Variants in CREB1 observed in about 807,000 individuals in gnomAD.
The protein encoded by CREB1 is cyclic AMP-responsive element-binding protein 1.
Under a neutral mutation model 42.0 loss-of-function variants are expected in CREB1, and 2 were observed. The observed-to-expected ratio is 0.05, with a 90% CI of 0.02 to 0.15. The LOEUF (loss-of-function observed/expected upper bound fraction) is 0.15, where lower values mean the gene tolerates loss of function less well. Ranked by LOEUF, CREB1 falls within the 10% of genes least tolerant of loss-of-function variation. The pLI is 1.00. For missense variants in CREB1, 199 were observed against 388.9 expected (o/e 0.51, Z 4.11); for synonymous variants, 123 against 139.9 (o/e 0.88, Z 0.85).
chr2:207,539,180 A>G (rs1403381192), intron 1 of CREB1, among the ~76,000 whole-genome samples: 1 of 149,146 alleles, frequency 6.7e-6, no homozygotes, highest in Non-Finnish European at 1.5e-5. Flanking sequence ...AGCTGGGATT[A>G]CAAGCATGTG....
chr2:207,531,122 A>G (rs138786331), intron 1 of CREB1, among the ~76,000 whole-genome samples: 93 of 152,286 alleles, frequency 6.1e-4, no homozygotes, highest in African/African-American at 2.2e-3. Flanking sequence ...ACCCTTTTTA[A>G]TAAGGTAATC....
At chr2:207,560,192 G>C in intron 2 of CREB1, 34 bp from the exon 3 acceptor site, 3 of 1,522,046 alleles carry the variant, frequency 2.0e-6, no homozygotes, top group Admixed American at 1.9e-5. Context: ...AGAGTGTCTG[G>C]GATGATAATT....
chr2:207,601,612 T>C lies in CREB1; in HGVS notation c.*4554T>C, dbSNP rs1015441223. 18 of 208,436 alleles carry C rather than the reference T, an allele frequency of 8.6e-5. No individual in the cohort carries two copies. Among genetic ancestry groups the C allele is most frequent in the Non-Finnish European group, 1.7e-4 (17 of 102,616 alleles). 12.9% of individuals were successfully genotyped at this position (208,436 alleles called of 1,614,324 possible). A position where few individuals can be genotyped will look rare whatever the true frequency, so the allele number is the denominator to read the frequency against. ...CACAACATTAATACTGTACATAGTA[T>C]GCCAAAATATCCATTAATTTGTCTA... On this transcript the variant is annotated 3_prime_UTR_variant, in exon 8 of 8. Transcript: ENST00000353267.
At chr2:207,549,621 T>TC (rs2081422725) in intron 1 of CREB1, among the ~76,000 whole-genome samples, 1 of 152,112 alleles carries the variant, frequency 6.6e-6, no homozygotes, top group South Asian at 2.1e-4. Context: ...ACGCCTGTAG[T>TC]CCCAACACTT....
chr2:207,531,057 A>T (rs1390176129), intron 1 of CREB1, among the ~76,000 whole-genome samples: 1 of 151,976 alleles, frequency 6.6e-6, no homozygotes, highest in Admixed American at 6.5e-5. Flanking sequence ...TAACTTTTTA[A>T]ACTGTTGGGA....
At chr2:207,537,288 T>G (rs953591603) in intron 1 of CREB1, among the ~76,000 whole-genome samples, 2 of 152,068 alleles carry the variant, frequency 1.3e-5, no homozygotes, top group Non-Finnish European at 2.9e-5. Flanking sequence ...TCCACCCACC[T>G]CTGCCTCCCA....
At chr2:207,572,197 G>C (rs1471223353) in intron 5 of CREB1, among the ~76,000 whole-genome samples, 1 of 144,718 alleles carries the variant, frequency 6.9e-6, no homozygotes, top group Non-Finnish European at 1.5e-5. Flanking sequence ...CTGCACTCCA[G>C]CCTGGGTGGC....
chr2:207,567,795 CTG>C (rs1232606390), intron 4 of CREB1: 1 of 295,908 alleles, frequency 3.4e-6, no homozygotes, highest in African/African-American at 2.2e-5. Flanking sequence ...TTTCTGTAGA[CTG>C]TGCTGGCTGT....
At chr2:207,550,872 A>G (rs1287742399) in intron 1 of CREB1, among the ~76,000 whole-genome samples, 1 of 152,186 alleles carries the variant, frequency 6.6e-6, no homozygotes, top group Non-Finnish European at 1.5e-5. Context: ...TTATTTTTCT[A>G]CACGCTTCCC....
intron 1 of CREB1, among the ~76,000 whole-genome samples, chr2:207,551,026 C>G (rs1283721846): frequency 6.6e-6 from 1 of 152,130 alleles, no homozygotes; most frequent in Non-Finnish European, 1.5e-5. Context: ...TGCAAAGTCT[C>G]TTATCAGCCA....
intron 7 of CREB1, among the ~76,000 whole-genome samples, chr2:207,583,356 T>A (rs1364167285): frequency 6.6e-6 from 1 of 152,226 alleles, no homozygotes; most frequent in East Asian, 1.9e-4. Flanking sequence ...GACTTCTCTT[T>A]GCCTGTTTGT....
Position 207,577,499 on chromosome 2 carries a change from T to C in CREB1, c.689-6T>C, listed in dbSNP as rs1574882690. ...TGTCTTACACCATGCTCACTGTTTT[T>C]TTCAGCTGCCTCTGGAGACGTACAA... On this transcript the variant is annotated splice_region_variant and splice_polypyrimidine_tract_variant and intron_variant, in intron 6 of 7. Transcript: ENST00000353267. 1.2e-6 allele frequency: 2 copies of C among 1,613,668 alleles called. No individual in the cohort carries two copies. Among genetic ancestry groups the C allele is most frequent in the African/African-American group, 1.3e-5 (1 of 75,034 alleles).
At chr2:207,560,497 A>T (rs1433787604) in intron 3 of CREB1, 125 bp downstream of exon 3, 1 of 854,682 alleles carries the variant, frequency 1.2e-6, no homozygotes, top group Non-Finnish European at 1.7e-6. Flanking sequence ...CAGTATAGGA[A>T]TATGCTGCAT....
intron 1 of CREB1, among the ~76,000 whole-genome samples, chr2:207,545,326 G>C (rs895580450): frequency 1.3e-5 from 2 of 152,114 alleles, no homozygotes; most frequent in Admixed American, 1.3e-4. Flanking sequence ...TCCTGCCTCA[G>C]CCTCCTGAGT....
At chr2:207,568,445 TATA>T (rs1465900953) in intron 4 of CREB1, among the ~76,000 whole-genome samples, 1 of 152,246 alleles carries the variant, frequency 6.6e-6, no homozygotes, top group East Asian at 1.9e-4. Flanking sequence ...CTCCTGTTAG[TATA>T]TAACACATTT....
intron 4 of CREB1, among the ~76,000 whole-genome samples, chr2:207,568,441 T>G (rs2082224328): frequency 1.3e-5 from 2 of 152,116 alleles, no homozygotes. Context: ...ATATCTCCTG[T>G]TAGTATATAA....
At chr2:207,565,874 C>A (rs2082122437) in intron 3 of CREB1, among the ~76,000 whole-genome samples, 1 of 152,170 alleles carries the variant, frequency 6.6e-6, no homozygotes, top group Non-Finnish European at 1.5e-5. Flanking sequence ...AGCTCCTGAT[C>A]TTCTGTATGT....
At chr2:207,565,981 G>T (rs995570274) in intron 3 of CREB1, among the ~76,000 whole-genome samples, 5 of 152,112 alleles carry the variant, frequency 3.3e-5, no homozygotes, top group Admixed American at 3.3e-4. Flanking sequence ...AGTAATTACA[G>T]CATTATTATT....
At chr2:207,552,918 G>A (rs2081570655) in intron 1 of CREB1, among the ~76,000 whole-genome samples, 1 of 151,914 alleles carries the variant, frequency 6.6e-6, no homozygotes, top group Admixed American at 6.6e-5. Flanking sequence ...GCCCGGCTGT[G>A]AATGTCTGCT....
Sources: allele counts gnomAD v4.1 joint callset (sites outside exome capture counted in the v4.1 genomes callset), GRCh38; gene constraint gnomAD v4.1.1; transcripts MANE v1.5; gene names NCBI Gene and HGNC (gene_info 2026-07-23, HGNC 2026-07-21).